Variants in SLC27A2 observed in about 807,000 individuals in gnomAD.
SLC27A2 encodes long-chain fatty acid transport protein 2.
Under a neutral mutation model 60.0 loss-of-function variants are expected in SLC27A2, and 54 were observed. The ratio of observed to expected loss-of-function variants is 0.90; its 90% CI spans 0.72 to 1.13. SLC27A2 has a LOEUF of 1.13. Among genes scored for constraint, SLC27A2 ranks in the 50% most tolerant of loss-of-function variants. The pLI, the probability that SLC27A2 is intolerant of heterozygous loss-of-function variation, is 0.00. For synonymous variants in SLC27A2, 297 were observed against 297.6 expected, an observed-to-expected ratio of 1.00 and a Z score of 0.02; for missense variants, 739 against 777.6, an observed-to-expected ratio of 0.95 and a Z score of 0.59.
In SLC27A2 at chr15:50,228,938, C is replaced by T; in HGVS notation, c.1458-7C>T. 6.2e-7 allele frequency: 1 copy of T among 1,607,638 alleles called. No individual in the cohort carries two copies. Among genetic ancestry groups the T allele is most frequent in the East Asian group, 2.2e-5 (1 of 44,834 alleles). On this transcript the variant is annotated splice_region_variant and splice_polypyrimidine_tract_variant and intron_variant, in intron 7 of 9. Transcript: ENST00000267842. ...GTGACCTCTGCTAACTTTGTCCTTT[C>T]TTCCAGGTGGAAAGGGGAAAATGTG...
At chr15:50,193,942 T>C (rs1417980265) in intron 1 of SLC27A2, among the ~76,000 whole-genome samples, 1 of 152,136 alleles carries the variant, frequency 6.6e-6, no homozygotes, top group Non-Finnish European at 1.5e-5. Context: ...GAGGATCACT[T>C]GAGCTCACAA....
chr15:50,208,062 G>A (rs1305548235), intron 4 of SLC27A2, among the ~76,000 whole-genome samples: 2 of 152,100 alleles, frequency 1.3e-5, no homozygotes, highest in Non-Finnish European at 2.9e-5. Flanking sequence ...CGCTGTTGCT[G>A]GAGGGACTAA....
Position 50,210,480 on chromosome 15 carries a change from C to A in SLC27A2, c.972+5117C>A, listed in dbSNP as rs199556109. Among the ~76,000 whole-genome samples the A allele has an allele frequency of 2.0e-5, 3 of 152,184 alleles. No homozygotes were observed. The East Asian group carries it at 5.8e-4, about 29-fold the overall frequency. Reference sequence around the variant, plus strand: ...AAAGGTAGAGGAAGCTGCAGAAAGGCCCTGGGAGCTCACTGGCTCCCCTAG... The same window carrying A: ...AAAGGTAGAGGAAGCTGCAGAAAGGACCTGGGAGCTCACTGGCTCCCCTAG... On this transcript the variant is annotated intron_variant, in intron 4 of 9. Transcript: ENST00000267842.
intron 1 of SLC27A2, among the ~76,000 whole-genome samples, chr15:50,190,803 A>G (rs1490426255): frequency 6.6e-6 from 1 of 152,134 alleles, no homozygotes; most frequent in Non-Finnish European, 1.5e-5. Flanking sequence ...CTGATGAAGA[A>G]CCGACTGATG....
chr15:50,216,520 C>T (rs1215843520), intron 4 of SLC27A2, among the ~76,000 whole-genome samples: 3 of 150,076 alleles, frequency 2.0e-5, no homozygotes, highest in Non-Finnish European at 4.4e-5. Flanking sequence ...ATTTTTATAG[C>T]AGCACAATTC....
chr15:50,214,216 C>T lies in SLC27A2; in HGVS notation c.973-8749C>T, dbSNP rs995195951. 2.9e-4 allele frequency among the ~76,000 whole-genome samples: 44 copies of T among 152,000 alleles called. 1 individual carries two copies. Among genetic ancestry groups the T allele is most frequent in the Non-Finnish European group, 1.0e-4 (7 of 67,966 alleles). ...ACATAAACTAGAAAACCTAGAAGAG[C>T]TAGATACATTCCTGGAAAAAATACA... is the stretch of plus-strand genomic sequence containing the variant. On this transcript the variant is annotated intron_variant, in intron 4 of 9. Transcript: ENST00000267842.
rs1306629957 is a variant in SLC27A2 at position 50,196,335 on chromosome 15, A to G, written c.479-1165A>G. 2.0e-5 allele frequency among the ~76,000 whole-genome samples: 3 copies of G among 151,596 alleles called. No homozygotes were observed. The East Asian group carries it at 5.9e-4, about 30-fold the overall frequency. On this transcript the variant is annotated intron_variant, in intron 1 of 9. Transcript: ENST00000267842. ...CACACACCCACATAACTGAAACAAA[A>G]CTTTTAAAAATGAACAGCCCTGTTC...
In SLC27A2 at chr15:50,182,275, C is replaced by T. The variant is rs2044859524; in HGVS notation, c.-153C>T. On this transcript the variant is annotated 5_prime_UTR_variant, in exon 1 of 10. Coordinates refer to ENST00000267842, the MANE Select transcript of SLC27A2 (RefSeq NM_003645.4). ...CGCGGCGGTACCTGCAGCGGAGGAG[C>T]TCTGTCTTCCCCTTCATCTCACGCG... is the stretch of plus-strand genomic sequence containing the variant. 1 of 1,208,908 alleles carries T rather than the reference C, an allele frequency of 8.3e-7. No homozygotes were observed. The highest frequency in any genetic ancestry group is 1.1e-6 in the Non-Finnish European group (1 of 948,698). 74.9% of individuals were successfully genotyped at this position (1,208,908 alleles called of 1,614,324 possible). A position where few individuals can be genotyped will look rare whatever the true frequency, so the allele number is the denominator to read the frequency against.
rs1409550811 is a variant in SLC27A2, at chr15:50,182,566, G to T, written c.139G>T (p.Gly47Trp). Residue 47 changes from glycine to tryptophan, a missense_variant, in exon 1 of 10, where the codon GGG becomes TGG. Transcript: ENST00000267842. Reference protein sequence around the residue: ...AAVGRRVRSYGKRRPARTILR... With the variant: ...AAVGRRVRSYWKRRPARTILR... ...CGTGGGCCGGAGGGTGCGCAGCTAC[G>T]GGAAGCGGCGGCCGGCGCGCACCAT... The T allele has an allele frequency of 6.2e-7, 1 of 1,611,472 alleles. No individual in the cohort carries two copies. Among genetic ancestry groups the T allele is most frequent in the Non-Finnish European group, 8.5e-7 (1 of 1,179,068 alleles).
rs1195503072 is a variant in SLC27A2 at position 50,216,636 on chromosome 15, A to G, written c.973-6329A>G. Among the ~76,000 whole-genome samples, 51 of 131,268 alleles carry G rather than the reference A, an allele frequency of 3.9e-4. 2 individuals are homozygous for G. The highest frequency in any genetic ancestry group is 7.3e-4 in the South Asian group (3 of 4,088). 86.1% of individuals were successfully genotyped at this position (131,268 alleles called of 152,430 possible). On this transcript the variant is annotated intron_variant, in intron 4 of 9. Transcript: ENST00000267842. ...TATATATATATATATATATATATAT[A>G]TATATATATATATATATATAGTATA...
intron 9 of SLC27A2, among the ~76,000 whole-genome samples, chr15:50,235,076 G>A (rs891937699): frequency 6.6e-6 from 1 of 152,042 alleles, no homozygotes; most frequent in Non-Finnish European, 1.5e-5. Context: ...TAACCCTTTG[G>A]TTGGTTTAAT....
chr15:50,196,133 C>A (rs2045021655), intron 1 of SLC27A2, among the ~76,000 whole-genome samples: 5 of 99,478 alleles, frequency 5.0e-5, no homozygotes, highest in African/African-American at 7.5e-5. Context: ...TATGTATGTA[C>A]ATTCACTTCC....
chr15:50,231,721 A>G (rs949905562), intron 8 of SLC27A2, among the ~76,000 whole-genome samples: 1 of 152,186 alleles, frequency 6.6e-6, no homozygotes, highest in Admixed American at 6.5e-5. Flanking sequence ...CCACTGAAAC[A>G]GAACAAAGGG....
At chr15:50,208,164 A>G (rs1016827022) in intron 4 of SLC27A2, among the ~76,000 whole-genome samples, 5 of 152,154 alleles carry the variant, frequency 3.3e-5, no homozygotes. Context: ...CCACAGACAT[A>G]TATGGCCCAG....
At position 50,233,942 on chromosome 15, in the gene SLC27A2, C is replaced by T. The variant is rs996808914; in HGVS notation, c.1630C>T (p.Gln544Ter). The T allele has an allele frequency of 1.9e-6, 3 of 1,613,866 alleles. No homozygotes were observed. Among genetic ancestry groups the T allele is most frequent in the Non-Finnish European group, 2.5e-6 (3 of 1,179,758 alleles). ...NHEFDGKKLFQHIADYLPSYA... is the reference protein window; with the variant it reads ...NHEFDGKKLF ...TGAATTTGATGGAAAGAAACTCTTT[C>T]AGCACATTGCTGATTACCTACCTAG... The change falls in exon 9 of 10, where the codon CAG becomes TAG. Residue 544 changes from glutamine to a stop codon, truncating the protein, a stop_gained. Coordinates refer to ENST00000267842, the MANE Select transcript of SLC27A2 (RefSeq NM_003645.4). LOFTEE classifies it high-confidence loss of function.
chr15:50,231,040 A>G (rs1296705925), intron 8 of SLC27A2, among the ~76,000 whole-genome samples: 2 of 152,102 alleles, frequency 1.3e-5, no homozygotes, highest in East Asian at 1.9e-4. Flanking sequence ...TCTTAAAAAC[A>G]TTGGAAGTCT....
intron 7 of SLC27A2, among the ~76,000 whole-genome samples, chr15:50,228,132 G>A (rs1021749781): frequency 6.6e-6 from 1 of 152,104 alleles, no homozygotes; most frequent in Admixed American, 6.5e-5. Context: ...AATCCCAGCA[G>A]TTTGGGAGGC....
At chr15:50,216,679 G>A (rs1302075690) in intron 4 of SLC27A2, among the ~76,000 whole-genome samples, 1 of 133,016 alleles carries the variant, frequency 7.5e-6, no homozygotes, top group African/African-American at 2.8e-5. Flanking sequence ...GTGAGGTAAT[G>A]TAATGCCTCC....
At chr15:50,217,548 C>T (rs944220479) in intron 4 of SLC27A2, among the ~76,000 whole-genome samples, 13 of 152,162 alleles carry the variant, frequency 8.5e-5, no homozygotes, top group Admixed American at 6.5e-5. Context: ...AAGAACTAAA[C>T]TTTCCCGGAA....
Sources: allele counts gnomAD v4.1 joint callset (sites outside exome capture counted in the v4.1 genomes callset), GRCh38; gene constraint gnomAD v4.1.1; transcripts MANE v1.5; gene names NCBI Gene and HGNC (gene_info 2026-07-23, HGNC 2026-07-21).